POLR2E: variants seen among roughly 807,000 people sequenced by gnomAD.
POLR2E encodes RNA polymerase II, I and III subunit E.
Under a neutral mutation model 29.8 loss-of-function variants are expected in POLR2E, and 35 were observed. The ratio of observed to expected loss-of-function variants is 1.17; its 90% CI spans 0.90 to 1.55. The LOEUF (loss-of-function observed/expected upper bound fraction) is 1.55, where lower values mean the gene tolerates loss of function less well. Ranked by LOEUF, POLR2E falls within the 40% of genes most tolerant of loss-of-function variation. The pLI, the probability that POLR2E is intolerant of heterozygous loss-of-function variation, is 0.00. For missense variants in POLR2E, 287 were observed against 288.6 expected (o/e 0.99, Z 0.04); for synonymous variants, 174 against 112.6 (o/e 1.55, Z -3.45).
Position 1,095,242 on chromosome 19 carries a change from C to T in POLR2E, c.57+17G>A. 1 of 1,612,264 alleles carries T rather than the reference C, an allele frequency of 6.2e-7. No individual in the cohort carries two copies. Among genetic ancestry groups the T allele is most frequent in the Non-Finnish European group, 8.5e-7 (1 of 1,179,244 alleles). On this transcript the variant is annotated intron_variant, in intron 1 of 7. Transcript: ENST00000615234. Reference sequence around the variant, plus strand: ...CCGCCGCCCGCGCCCCCGCCCCCAACACCAGGCGCGGCTCACCTGCATGAT... The same window carrying T: ...CCGCCGCCCGCGCCCCCGCCCCCAATACCAGGCGCGGCTCACCTGCATGAT...
chr19:1,094,627 C>CG (rs1260850512), intron 1 of POLR2E: 1 of 156,504 alleles, frequency 6.4e-6, no homozygotes, highest in Non-Finnish European at 1.4e-5. Flanking sequence ...AATCAGGCTG[C>CG]GGGGGGCTTC....
At chr19:1,093,731 G>A (rs2043886641) in intron 2 of POLR2E, 173 bp downstream of exon 2, 3 of 1,403,564 alleles carry the variant, frequency 2.1e-6, no homozygotes, top group African/African-American at 1.5e-5. Flanking sequence ...CATGAGAGGG[G>A]TCAGAGATCA....
Position 1,094,380 on chromosome 19 carries a change from C to G in POLR2E, c.58-302G>C, listed in dbSNP as rs77322491. ...CCTCCAAACCACTTTGCAGAGCTAC[C>G]CTAAAGGCAGGGACAAAGGCGGGGC... On this transcript the variant is annotated intron_variant, in intron 1 of 7. Coordinates refer to ENST00000615234, the MANE Select transcript of POLR2E (RefSeq NM_002695.5). 2,842 of 384,574 alleles carry G rather than the reference C, an allele frequency of 7.4e-3. 17 individuals are homozygous for G. Among genetic ancestry groups the G allele is most frequent in the Middle Eastern group, 0.013 (19 of 1,500 alleles). The allele number at this position is 384,574 out of a possible 1,614,324, so 23.8% of individuals were successfully genotyped here.
In POLR2E at chr19:1,088,205, C is replaced by T. The variant is rs1447680649; in HGVS notation, c.*530G>A. ...ATTTATTTGCTCAAAACATCTTTAC[C>T]ATTTGAAAACACCCAACCTCCTACA... On this transcript the variant is annotated 3_prime_UTR_variant, in exon 8 of 8. Coordinates refer to ENST00000615234, the MANE Select transcript of POLR2E (RefSeq NM_002695.5). The T allele has an allele frequency of 6.6e-6, 1 of 152,390 alleles. No homozygotes were observed. Among genetic ancestry groups the T allele is most frequent in the East Asian group, 1.9e-4 (1 of 5,342 alleles). The allele number at this position is 152,390 out of a possible 1,614,324, so 9.4% of individuals were successfully genotyped here. A position where few individuals can be genotyped will look rare whatever the true frequency, so the allele number is the denominator to read the frequency against.
At chr19:1,090,001 TGGGGGGGCAGGGGTGTGTGTG>T (rs745967091) in intron 5 of POLR2E, 39 bp from the exon 6 acceptor site, 63 of 1,261,682 alleles carry the variant, frequency 5.0e-5, no homozygotes, top group African/African-American at 4.1e-5. Context: ...ACAGGGCCGT[TGGGGGGGCAGGGGTGTGTGTG>T]GGGGGGGAAC....
rs73505274 is a variant in POLR2E, at chr19:1,091,638, C to T, written c.348+154G>A. Reference sequence around the variant, plus strand: ...GCCCATGGACGCGGTGGGAGGGAGGCGGTCGGGGCTTGCCGGACATCCCGG... The same window carrying T: ...GCCCATGGACGCGGTGGGAGGGAGGTGGTCGGGGCTTGCCGGACATCCCGG... On this transcript the variant is annotated intron_variant, in intron 3 of 7. Coordinates refer to ENST00000615234, the MANE Select transcript of POLR2E (RefSeq NM_002695.5). 74 of 614,062 alleles carry T rather than the reference C, an allele frequency of 1.2e-4. 1 individual carries two copies. The highest frequency in any genetic ancestry group is 1.7e-4 in the Non-Finnish European group (59 of 339,128). 38.0% of individuals were successfully genotyped at this position (614,062 alleles called of 1,614,324 possible). A position where few individuals can be genotyped will look rare whatever the true frequency, so the allele number is the denominator to read the frequency against.
At chr19:1,090,694 A>G (rs1040891369) in intron 4 of POLR2E, among the ~76,000 whole-genome samples, 5 of 151,738 alleles carry the variant, frequency 3.3e-5, no homozygotes, top group African/African-American at 1.2e-4. Context: ...CTGGGATTAC[A>G]TGTGTGAGCC....
In POLR2E at chr19:1,093,968, C is replaced by T. The variant is rs1365039679; in HGVS notation, c.168G>A (p.Thr56=). The part of the protein sequence containing the change: ...DKPSEGRPRR[T]DLTVLVAHND... ...TGTGGGCCACCAGCACGGTGAGGTCCGTGCGCCGCGGCCGCCCCTCACTCG... is the reference window on the plus strand; with the variant it reads ...TGTGGGCCACCAGCACGGTGAGGTCTGTGCGCCGCGGCCGCCCCTCACTCG... Residue 56 remains threonine (T), a synonymous_variant, in exon 2 of 8, where the codon ACG becomes ACA. Coordinates refer to ENST00000615234, the MANE Select transcript of POLR2E (RefSeq NM_002695.5). The T allele has an allele frequency of 5.0e-6, 8 of 1,613,506 alleles. No homozygotes were observed. Among genetic ancestry groups the T allele is most frequent in the South Asian group, 2.2e-5 (2 of 91,066 alleles).
rs1438893888 is a variant in POLR2E at position 1,087,205 on chromosome 19, C to G, written c.*1530G>C. The G allele has an allele frequency of 6.6e-6, 1 of 151,796 alleles. No individual in the cohort carries two copies. The highest frequency in any genetic ancestry group is 1.5e-5 in the Non-Finnish European group (1 of 67,998). 9.4% of individuals were successfully genotyped at this position (151,796 alleles called of 1,614,324 possible). ...GGGGGGTTTCTCTGTGTTGCCCGGG[C>G]TGGTCTTTTAACTCCTGAGCTCAAG... On this transcript the variant is annotated 3_prime_UTR_variant, in exon 8 of 8. Transcript: ENST00000615234.
Position 1,089,514 on chromosome 19 carries a change from C to G in POLR2E, c.605G>C (p.Arg202Thr). The change falls in exon 7 of 8, where the codon AGG becomes ACG. Residue 202 changes from arginine (R) to threonine (T), a missense_variant. By Grantham distance (71) the Arg-to-Thr change is moderately conservative. Coordinates refer to ENST00000615234, the MANE Select transcript of POLR2E (RefSeq NM_002695.5). Reference protein sequence around the residue: ...KIIRPSETAGRYITYRLVQ With the variant: ...KIIRPSETAGTYITYRLVQ ...CTGCACCAGCCGGTAGGTGATGTAC[C>G]TGCCAGCCGTCTCACTGGGCCGGAT... 6.2e-7 allele frequency: 1 copy of G among 1,613,838 alleles called. No individual in the cohort carries two copies. Among genetic ancestry groups the G allele is most frequent in the Non-Finnish European group, 8.5e-7 (1 of 1,179,842 alleles).
intron 6 of POLR2E, 89 bp from the exon 7 acceptor site, chr19:1,089,640 T>C: frequency 8.5e-7 from 1 of 1,169,768 alleles, no homozygotes. Flanking sequence ...GGGCTGGGGA[T>C]GGCCGGCAGG....
chr19:1,091,025 G>A (rs747075667), intron 3 of POLR2E, 37 bp from the exon 4 acceptor site: 4 of 1,590,194 alleles, frequency 2.5e-6, no homozygotes, highest in African/African-American at 2.7e-5. Context: ...GCCCGGAGGG[G>A]CCCAGACAAC....
chr19:1,093,832 G>C, intron 2 of POLR2E, 72 bp downstream of exon 2: 1 of 1,476,000 alleles, frequency 6.8e-7, no homozygotes, highest in South Asian at 1.4e-5. Flanking sequence ...AGTGGGGGTG[G>C]GTGCTAGCGA....
At chr19:1,090,886 G>A in intron 4 of POLR2E, 22 bp downstream of exon 4, 1 of 1,605,884 alleles carries the variant, frequency 6.2e-7, no homozygotes, top group Non-Finnish European at 8.5e-7. Context: ...CACGCAGGCG[G>A]GATTCCGCGG....
intron 2 of POLR2E, chr19:1,092,172 C>A: frequency 2.3e-6 from 1 of 430,252 alleles, no homozygotes; most frequent in Non-Finnish European, 4.3e-6. Context: ...AAGCAGAGAC[C>A]TTCGACTCTG....
chr19:1,088,225 CCTA>C lies in POLR2E; in HGVS notation c.*507_*509del, dbSNP rs1237260442. ...TTTACCATTTGAAAACACCCAACCT[CCTA>C]CAACAACCGAGAACTCCAGAGCTGG... On this transcript the variant is annotated 3_prime_UTR_variant, in exon 8 of 8. Transcript: ENST00000615234. The C allele has an allele frequency of 2.0e-5, 3 of 152,434 alleles. No individual in the cohort carries two copies. Among genetic ancestry groups the C allele is most frequent in the Non-Finnish European group, 4.4e-5 (3 of 68,068 alleles). 9.4% of individuals were successfully genotyped at this position (152,434 alleles called of 1,614,324 possible). A position where few individuals can be genotyped will look rare whatever the true frequency, so the allele number is the denominator to read the frequency against.
Position 1,089,485 on chromosome 19 carries a change from G to GCTA in POLR2E, c.631_633dup. Reference sequence around the variant, plus strand: ...CGGCCGTCTCACCTGTCAGGCGGTAGCTACTGCACCAGCCGGTAGGTGATG... The same window carrying GCTA: ...CGGCCGTCTCACCTGTCAGGCGGTAGCTACTACTGCACCAGCCGGTAGGTGATG... On this transcript the variant is annotated 3_prime_UTR_variant, in exon 7 of 8. Transcript: ENST00000615234. 1 of 1,612,024 alleles carries GCTA rather than the reference G, an allele frequency of 6.2e-7. No individual in the cohort carries two copies. The highest frequency in any genetic ancestry group is 1.7e-4 in the Middle Eastern group (1 of 6,048).
chr19:1,092,385 C>T lies in POLR2E; in HGVS notation c.233-478G>A, dbSNP rs535909688. ...GTCAACAGTTCTAAACCGGCCTGGC[C>T]AACATGGTGAAACCCGGTCTCTATT... On this transcript the variant is annotated intron_variant, in intron 2 of 7. Coordinates refer to ENST00000615234, the MANE Select transcript of POLR2E (RefSeq NM_002695.5). 1.6e-4 allele frequency: 26 copies of T among 159,108 alleles called. No individual in the cohort carries two copies. The East Asian group carries it at 4.8e-3, about 29-fold the overall frequency. 9.9% of individuals were successfully genotyped at this position (159,108 alleles called of 1,614,324 possible).
chr19:1,093,669 C>T (rs72975521), intron 2 of POLR2E: 7 of 1,209,722 alleles, frequency 5.8e-6, no homozygotes, highest in East Asian at 3.2e-5. Context: ...TGACTCTCCT[C>T]GTTGGCAGGA....
Sources: allele counts gnomAD v4.1 joint callset (sites outside exome capture counted in the v4.1 genomes callset), GRCh38; gene constraint gnomAD v4.1.1; transcripts MANE v1.5; gene names NCBI Gene and HGNC (gene_info 2026-07-23, HGNC 2026-07-21).